Variants in FAM111A observed in about 807,000 individuals in gnomAD.
FAM111A encodes the protein FAM111 trypsin like peptidase A, also known as serine protease FAM111A.
FAM111A carries 8 observed loss-of-function variants against 3.3 expected under a neutral mutation model. The observed-to-expected ratio is 2.39, with a 90% confidence interval of 1.40 to 4.32. FAM111A has a LOEUF of 4.32. Among genes scored for constraint, FAM111A ranks in the 30% most tolerant of loss-of-function variants. The probability of loss-of-function intolerance (pLI) is 0.00; values close to 1 mark genes in which losing one functional copy is unlikely to be tolerated. For synonymous variants in FAM111A, 227 were observed against 243.1 expected (o/e 0.93, Z 0.62); for missense variants, 683 against 727.6 (o/e 0.94, Z 0.71).
chr11:59,143,319 G>C lies in FAM111A; in HGVS notation c.-306+15G>C, dbSNP rs866074588. ...CTTCCTCTTAGGTGAGTTACTCTTT[G>C]GTTCTGGGGCTGACCTGGAGTTTTG... is the stretch of plus-strand genomic sequence containing the variant. On this transcript the variant is annotated intron_variant, in intron 2 of 5. Transcript: ENST00000675163. 3.3e-5 allele frequency: 5 copies of C among 152,358 alleles called. No homozygotes were observed. The highest frequency in any genetic ancestry group is 6.8e-3 in the Middle Eastern group (2 of 294). The allele number at this position is 152,358 out of a possible 1,614,324, so 9.4% of individuals were successfully genotyped here. A position where few individuals can be genotyped will look rare whatever the true frequency, so the allele number is the denominator to read the frequency against.
chr11:59,143,247 C>T lies in FAM111A; in HGVS notation c.-363C>T, dbSNP rs922071019. The T allele has an allele frequency of 1.3e-5, 2 of 152,254 alleles. No individual in the cohort carries two copies. Among genetic ancestry groups the T allele is most frequent in the Admixed American group, 6.5e-5 (1 of 15,290 alleles). 9.4% of individuals were successfully genotyped at this position (152,254 alleles called of 1,614,324 possible). ...ATTCCAAGGGACTGGAAGGGAAAGT[C>T]CCTAAAAATCACGAGTTCAGGCGTC... On this transcript the variant is annotated 5_prime_UTR_variant, in exon 2 of 6. Coordinates refer to ENST00000675163, the MANE Select transcript of FAM111A (RefSeq NM_001312909.2).
chr11:59,144,420 C>G (rs1860546347), intron 3 of FAM111A: 1 of 152,144 alleles, frequency 6.6e-6, no homozygotes, highest in East Asian at 1.9e-4. Context: ...TCTAGGAACC[C>G]CTTTGGTTAT....
chr11:59,148,823 A>C lies in FAM111A; in HGVS notation c.-50A>C. ...TTTGAAGATACTGCTATAATTTGAA[A>C]ATTTGAAATTAGTGTTTCAGCTGAA... is the stretch of plus-strand genomic sequence containing the variant. On this transcript the variant is annotated 5_prime_UTR_variant, in exon 5 of 6. Transcript: ENST00000675163. The C allele has an allele frequency of 7.4e-7, 1 of 1,347,846 alleles. No homozygotes were observed. The highest frequency in any genetic ancestry group is 1.1e-6 in the Non-Finnish European group (1 of 939,212). The allele number at this position is 1,347,846 out of a possible 1,614,324, so 83.5% of individuals were successfully genotyped here. A position where few individuals can be genotyped will look rare whatever the true frequency, so the allele number is the denominator to read the frequency against.
intron 3 of FAM111A, chr11:59,143,902 A>G (rs1210855837): frequency 6.6e-6 from 1 of 152,232 alleles, no homozygotes; most frequent in Non-Finnish European, 1.5e-5. Context: ...GGAAAACATC[A>G]AAGAACAGTT....
rs1223557651 is a variant in FAM111A, at chr11:59,153,736, C to T, written c.*232C>T. ...TTTTTTTTTGAGACTGAGTCTCACT[C>T]TGTCGCCTGGGCTGGAGTACAGTGG... On this transcript the variant is annotated 3_prime_UTR_variant, in exon 6 of 6. Transcript: ENST00000675163. 5.6e-6 allele frequency: 2 copies of T among 356,868 alleles called. No homozygotes were observed. The highest frequency in any genetic ancestry group is 1.0e-5 in the Non-Finnish European group (2 of 199,054). The allele number at this position is 356,868 out of a possible 1,614,324, so 22.1% of individuals were successfully genotyped here.
intron 3 of FAM111A, chr11:59,144,081 CCTCT>C (rs1860504092): frequency 1.3e-5 from 2 of 152,186 alleles, no homozygotes; most frequent in Admixed American, 1.3e-4. Flanking sequence ...CTTGCTCTTC[CCTCT>C]CTGAGACACC....
Position 59,153,538 on chromosome 11 carries a change from A to G in FAM111A, c.*34A>G, listed in dbSNP as rs370389213. The G allele has an allele frequency of 3.4e-4, 515 of 1,495,588 alleles. No individual in the cohort carries two copies. Among genetic ancestry groups the G allele is most frequent in the Non-Finnish European group, 4.5e-4 (496 of 1,107,398 alleles). 92.6% of individuals were successfully genotyped at this position (1,495,588 alleles called of 1,614,324 possible). A position where few individuals can be genotyped will look rare whatever the true frequency, so the allele number is the denominator to read the frequency against. Reference sequence around the variant, plus strand: ...TCTACTGGATTTAAGGGAATGGCTTATGGAGTTGTTATTTCATAGGCATTG... The same window carrying G: ...TCTACTGGATTTAAGGGAATGGCTTGTGGAGTTGTTATTTCATAGGCATTG... On this transcript the variant is annotated 3_prime_UTR_variant, in exon 6 of 6. Transcript: ENST00000675163.
In FAM111A at chr11:59,153,023, T is replaced by A; in HGVS notation, c.1355T>A (p.Val452Glu). The A allele has an allele frequency of 6.2e-7, 1 of 1,614,110 alleles. No homozygotes were observed. Residue 452 changes from valine to glutamate, a missense_variant, in exon 6 of 6, where the codon GTA (valine) becomes GAA (glutamate). This residue lies in a region of FAM111A where 557 missense variants were observed against 600.2 expected (regional missense o/e 0.93). Coordinates refer to ENST00000675163, the MANE Select transcript of FAM111A (RefSeq NM_001312909.2). ...VLKLKENGQQ[V>E]PMELYNGITP... ...AAACTGAAGGAAAATGGACAACAAG[T>A]ACCTATGGAACTATATAATGGAATT...
rs1355054176 is a variant in FAM111A at position 59,151,761 on chromosome 11, G to GCAA, written c.96_98dup (p.Gln33dup). 1 of 1,583,044 alleles carries GCAA rather than the reference G, an allele frequency of 6.3e-7. No homozygotes were observed. Among genetic ancestry groups the GCAA allele is most frequent in the East Asian group, 2.2e-5 (1 of 44,742 alleles). ...ACATTTATTTTTAGGTCTCTAAAGA[G>GCAA]CAACAGAATAATTGCAGTACTTCTC... is the stretch of plus-strand genomic sequence containing the variant. On this transcript the variant is annotated inframe_insertion, in exon 6 of 6. Coordinates refer to ENST00000675163, the MANE Select transcript of FAM111A (RefSeq NM_001312909.2).
In FAM111A at chr11:59,151,813, C is replaced by G; in HGVS notation, c.145C>G (p.Pro49Ala). ...SLMRMESRGD[P>A]RATTNTQAQR... ...AATGAGGATGGAGTCTAGAGGAGAC[C>G]CAAGAGCCACAACTAATACCCAGGC... is the stretch of plus-strand genomic sequence containing the variant. The change falls in exon 6 of 6, where the codon CCA (proline) becomes GCA (alanine). Residue 49 changes from proline (P) to alanine (A), a missense_variant. Around this residue, in one of 3 missense-constraint regions of FAM111A, gnomAD observed 557 missense variants for 600.2 expected, o/e 0.93. Coordinates refer to ENST00000675163, the MANE Select transcript of FAM111A (RefSeq NM_001312909.2). 6.2e-7 allele frequency: 1 copy of G among 1,613,814 alleles called. No individual in the cohort carries two copies. Among genetic ancestry groups the G allele is most frequent in the African/African-American group, 1.3e-5 (1 of 74,948 alleles).
Position 59,147,900 on chromosome 11 carries a change from T to A in FAM111A, c.-76-897T>A, listed in dbSNP as rs186134102. ...TAAAATGAGACAAATAGTACCTATC[T>A]CATAGGGTTGTAAGAATTACATGAG... On this transcript the variant is annotated intron_variant, in intron 4 of 5. Coordinates refer to ENST00000675163, the MANE Select transcript of FAM111A (RefSeq NM_001312909.2). 1.9e-3 allele frequency among the ~76,000 whole-genome samples: 297 copies of A among 152,326 alleles called. 1 individual carries two copies. The highest frequency in any genetic ancestry group is 3.3e-3 in the Non-Finnish European group (224 of 68,026).
chr11:59,152,513 C>G lies in FAM111A; in HGVS notation c.845C>G (p.Pro282Arg), dbSNP rs762012211. 1.2e-6 allele frequency: 2 copies of G among 1,614,044 alleles called. No individual in the cohort carries two copies. Among genetic ancestry groups the G allele is most frequent in the Non-Finnish European group, 8.5e-7 (1 of 1,180,010 alleles). ...CCCAGTGCAGCAGCTTCTCAGAATC[C>G]TGAGTCAGAGAAAAGAAACACCTGT... ...MVPSAAASQNPESEKRNTCVL... is the reference protein window; with the variant it reads ...MVPSAAASQNRESEKRNTCVL... The change falls in exon 6 of 6, where the codon CCT (proline) becomes CGT (arginine). Residue 282 changes from proline to arginine, a missense_variant. Physicochemically the swap from Pro to Arg is moderately radical, Grantham distance 103. Coordinates refer to ENST00000675163, the MANE Select transcript of FAM111A (RefSeq NM_001312909.2).
rs1209875025 is a variant in FAM111A at position 59,152,898 on chromosome 11, G to A, written c.1230G>A (p.Val410=). ...WATIIGQCVR[V]TFGYEELKDK... ...CCATAATTGGTCAATGTGTAAGGGTGACATTTGGTTATGAAGAGCTAAAAG... is the reference window on the plus strand; with the variant it reads ...CCATAATTGGTCAATGTGTAAGGGTAACATTTGGTTATGAAGAGCTAAAAG... Residue 410 remains valine (V), a synonymous_variant, in exon 6 of 6, where the codon GTG becomes GTA. Transcript: ENST00000675163. 6.2e-7 allele frequency: 1 copy of A among 1,614,154 alleles called. No individual in the cohort carries two copies. The highest frequency in any genetic ancestry group is 2.2e-5 in the East Asian group (1 of 44,886).
At position 59,152,389 on chromosome 11, in the gene FAM111A, A is replaced by C. The variant is rs1443958844; in HGVS notation, c.721A>C (p.Lys241Gln). 1 of 1,614,172 alleles carries C rather than the reference A, an allele frequency of 6.2e-7. No individual in the cohort carries two copies. ...TTCCTTTCTGGAGAATGATGATTGG[A>C]AACTCATTGAAAACAATGACACCAT... ...FLSFLENDDW[K>Q]LIENNDTILE... Residue 241 changes from lysine (K) to glutamine (Q), a missense_variant, in exon 6 of 6, where the codon AAA (lysine) becomes CAA (glutamine). By Grantham distance (53) the Lys-to-Gln change is moderately conservative (BLOSUM62 1). This residue lies in a region of FAM111A where 557 missense variants were observed against 600.2 expected (regional missense o/e 0.93). Transcript: ENST00000675163.
At position 59,151,994 on chromosome 11, in the gene FAM111A, A is replaced by G; in HGVS notation, c.326A>G (p.Asn109Ser). Reference protein sequence around the residue: ...SENSSLYMALNTLQAVRKEIE... With the variant: ...SENSSLYMALSTLQAVRKEIE... ...AATAGTAGCTTATATATGGCTCTCA[A>G]CACTCTCCAGGCTGTCAGAAAAGAG... The change falls in exon 6 of 6, where the codon AAC becomes AGC. Residue 109 changes from asparagine to serine, a missense_variant. Asn to Ser is a conservative substitution (Grantham distance 46). Coordinates refer to ENST00000675163, the MANE Select transcript of FAM111A (RefSeq NM_001312909.2). 2.5e-6 allele frequency: 4 copies of G among 1,614,212 alleles called. No homozygotes were observed. The highest frequency in any genetic ancestry group is 2.5e-6 in the Non-Finnish European group (3 of 1,180,024).
chr11:59,153,580 C>T lies in FAM111A; in HGVS notation c.*76C>T, dbSNP rs745308264. On this transcript the variant is annotated 3_prime_UTR_variant, in exon 6 of 6. Transcript: ENST00000675163. ...TAGGCATTGAAAATGGTTTTCTAAA[C>T]TCCAAAATGGTCATCTTATCAATAA... The T allele has an allele frequency of 2.7e-6, 3 of 1,103,022 alleles. No individual in the cohort carries two copies. The allele number at this position is 1,103,022 out of a possible 1,614,324, so 68.3% of individuals were successfully genotyped here.
At position 59,152,805 on chromosome 11, in the gene FAM111A, C is replaced by A. The variant is rs1861866314; in HGVS notation, c.1137C>A (p.Phe379Leu). The change falls in exon 6 of 6, where the codon TTC (phenylalanine) becomes TTA (leucine). Residue 379 changes from phenylalanine to leucine, a missense_variant. Physicochemically the swap from Phe to Leu is conservative, Grantham distance 22. Coordinates refer to ENST00000675163, the MANE Select transcript of FAM111A (RefSeq NM_001312909.2). Reference protein sequence around the residue: ...YATCFVFKGLFILTCRHVIDS... With the variant: ...YATCFVFKGLLILTCRHVIDS... ...CCTGCTTTGTTTTTAAAGGATTGTT[C>A]ATTTTAACTTGTCGGCATGTAATAG... is the stretch of plus-strand genomic sequence containing the variant. 3 of 1,613,972 alleles carry A rather than the reference C, an allele frequency of 1.9e-6. No individual in the cohort carries two copies. The highest frequency in any genetic ancestry group is 8.5e-7 in the Non-Finnish European group (1 of 1,180,016).
rs905634134 is a variant in FAM111A, at chr11:59,153,198, G to A, written c.1530G>A (p.Glu510=). 2 of 1,614,050 alleles carry A rather than the reference G, an allele frequency of 1.2e-6. No individual in the cohort carries two copies. The highest frequency in any genetic ancestry group is 1.3e-5 in the African/African-American group (1 of 74,914). The change falls in exon 6 of 6, where the codon GAG becomes GAA. Residue 510 remains glutamate, a synonymous_variant. Transcript: ENST00000675163. ...RVQSKKAESP[E]YVHMYTQRSF... ...AGTCTAAAAAAGCAGAAAGTCCAGA[G>A]TATGTCCATATGTATACTCAAAGAA...
intron 5 of FAM111A, among the ~76,000 whole-genome samples, chr11:59,151,416 G>T (rs775888838): frequency 6.6e-6 from 1 of 152,212 alleles, no homozygotes; most frequent in Non-Finnish European, 1.5e-5. Context: ...CTCCCAAAGT[G>T]CTGGAATTGC....
Sources: allele counts gnomAD v4.1 joint callset (sites outside exome capture counted in the v4.1 genomes callset), GRCh38; gene constraint gnomAD v4.1.1; regional missense constraint gnomAD v4.1.1; transcripts MANE v1.5; gene names NCBI Gene and HGNC (gene_info 2026-07-23, HGNC 2026-07-21).